HDAC9: variants seen among roughly 807,000 people sequenced by gnomAD.
HDAC9 encodes MEF-2 interacting transcription repressor (MITR) protein.
A neutral mutation model predicts 139.4 loss-of-function variants in HDAC9; 41 were observed. That is an observed-to-expected ratio of 0.29 (90% CI 0.23 to 0.38). HDAC9 has a LOEUF of 0.38. Among genes scored for constraint, HDAC9 ranks in the 10% least tolerant of loss-of-function variants. The probability of loss-of-function intolerance (pLI) is 1.00; values close to 1 mark genes in which losing one functional copy is unlikely to be tolerated. For synonymous variants in HDAC9, 517 were observed against 476.2 expected, an observed-to-expected ratio of 1.09 and a Z score of -1.12; for missense variants, 1,147 against 1,297.0, an observed-to-expected ratio of 0.88 and a Z score of 1.78.
intron 1 of HDAC9, among the ~76,000 whole-genome samples, chr7:18,426,216 G>A (rs112060426): frequency 0.017 from 2,575 of 152,236 alleles, 78 homozygotes; most frequent in African/African-American, 0.059. Flanking sequence ...AGAAATGTTC[G>A]TGGTTTATGT....
intron 12 of HDAC9, among the ~76,000 whole-genome samples, chr7:18,720,863 T>C (rs1785095132): frequency 1.3e-5 from 2 of 152,040 alleles, no homozygotes; most frequent in African/African-American, 2.4e-5. Flanking sequence ...TAATTTTTTA[T>C]AGAGATAGGG....
chr7:18,673,893 C>A (rs1290471338), intron 12 of HDAC9, among the ~76,000 whole-genome samples: 1 of 152,066 alleles, frequency 6.6e-6, no homozygotes, highest in Non-Finnish European at 1.5e-5. Flanking sequence ...ACCTTAAAGA[C>A]AACCGAAAGT....
In HDAC9 at chr7:18,276,966, C is replaced by G. The variant is rs1796764144; in HGVS notation, c.25+114617C>G. On this transcript the variant is annotated intron_variant, in intron 2 of 12. Coordinates refer to the HDAC9 transcript ENST00000417496. The stretch of plus-strand genomic sequence containing the variant: ...TCTATACCTAAATTTTTCTTGCATC[C>G]TTTTATATGAGCAAATTGCCTCTAA... Among the ~76,000 whole-genome samples, 4 of 151,906 alleles carry G rather than the reference C, an allele frequency of 2.6e-5. No homozygotes were observed. In the South Asian group the frequency reaches 6.2e-4, roughly 24 times the overall value.
At chr7:18,613,647 A>G (rs1474735518) in intron 6 of HDAC9, among the ~76,000 whole-genome samples, 1 of 152,102 alleles carries the variant, frequency 6.6e-6, no homozygotes, top group Non-Finnish European at 1.5e-5. Context: ...ATCATTACCT[A>G]TATGATTGAG....
intron 2 of HDAC9, among the ~76,000 whole-genome samples, chr7:18,179,632 T>G (rs1232966132): frequency 6.6e-6 from 1 of 152,228 alleles, no homozygotes; most frequent in Non-Finnish European, 1.5e-5. Flanking sequence ...CGTCTTTTCT[T>G]TGAATATTTT....
rs199909134 is a variant in HDAC9, at chr7:18,972,369, C to CTTTTTT, written c.3023-3413_3023-3408dup. Among the ~76,000 whole-genome samples the CTTTTTT allele has an allele frequency of 6.2e-4, 59 of 94,890 alleles. 1 individual carries two copies. Among genetic ancestry groups the CTTTTTT allele is most frequent in the Admixed American group, 8.4e-4 (7 of 8,318 alleles). 62.3% of individuals were successfully genotyped at this position (94,890 alleles called of 152,430 possible). A position where few individuals can be genotyped will look rare whatever the true frequency, so the allele number is the denominator to read the frequency against. ...TTAGCTCAATTTTCGATGAACTTCT[C>CTTTTTT]TTTTTTTTTTTTTTTTTTTTTTTTT... On this transcript the variant is annotated intron_variant, in intron 24 of 25. Transcript: ENST00000686413.
chr7:18,991,985 C>T (rs1436171595), intron 25 of HDAC9, among the ~76,000 whole-genome samples: 4 of 152,310 alleles, frequency 2.6e-5, no homozygotes, highest in East Asian at 3.9e-4. Flanking sequence ...TTTCTAGAAT[C>T]AATGAAAAAT....
intron 12 of HDAC9, among the ~76,000 whole-genome samples, chr7:18,713,089 C>T (rs191069531): frequency 2.5e-4 from 38 of 152,130 alleles, no homozygotes; most frequent in South Asian, 6.2e-4. Context: ...CATAACTTGA[C>T]GCAAAAGCAA....
rs1300812653 is a variant in HDAC9, at chr7:18,732,977, A to ATGTG, written c.1909+5222_1909+5225dup. 3.6e-5 allele frequency among the ~76,000 whole-genome samples: 4 copies of ATGTG among 110,356 alleles called. 1 individual carries two copies. The highest frequency in any genetic ancestry group is 1.4e-4 in the African/African-American group (2 of 14,808). 72.4% of individuals were successfully genotyped at this position (110,356 alleles called of 152,430 possible). A position where few individuals can be genotyped will look rare whatever the true frequency, so the allele number is the denominator to read the frequency against. On this transcript the variant is annotated intron_variant, in intron 13 of 25. Transcript: ENST00000686413. ...TATGTGTGTGTATGTGTATATACAC[A>ATGTG]TGTGTATGTGTGTGTATGTGTATAT...
At chr7:18,798,180 T>C (rs1188466413) in intron 17 of HDAC9, among the ~76,000 whole-genome samples, 1 of 152,188 alleles carries the variant, frequency 6.6e-6, no homozygotes, top group East Asian at 1.9e-4. Flanking sequence ...CCTAGGCTAC[T>C]TTCACAGTAA....
At chr7:18,219,629 T>TA (rs2128174373) in intron 2 of HDAC9, among the ~76,000 whole-genome samples, 1 of 152,278 alleles carries the variant, frequency 6.6e-6, no homozygotes, top group South Asian at 2.1e-4. Context: ...TTCCATGTGA[T>TA]AGAATGAGAA....
rs1191642752 is a variant in HDAC9, at chr7:18,644,787, G to A, written c.1029G>A (p.Gln343=). The A allele has an allele frequency of 6.2e-7, 1 of 1,610,308 alleles. No individual in the cohort carries two copies. Among genetic ancestry groups the A allele is most frequent in the Non-Finnish European group, 8.5e-7 (1 of 1,178,250 alleles). ...ITLGLPAVPS[Q]LNASNSLKEK... ...TGGGGCTTCCCGCAGTGCCATCCCA[G>A]CTCAATGTAAGTCATTGCACAGCAT... is the stretch of plus-strand genomic sequence containing the variant. Residue 343 remains glutamine, a synonymous_variant, in exon 9 of 26, where the codon CAG becomes CAA. Transcript: ENST00000686413.
chr7:18,970,870 G>A (rs540648648), intron 24 of HDAC9, among the ~76,000 whole-genome samples: 1 of 152,158 alleles, frequency 6.6e-6, no homozygotes, highest in Non-Finnish European at 1.5e-5. Context: ...ATGATGGAAT[G>A]AGGGATTTCT....
intron 16 of HDAC9, among the ~76,000 whole-genome samples, chr7:18,778,278 A>G (rs769864445): frequency 6.6e-6 from 1 of 151,942 alleles, no homozygotes; most frequent in African/African-American, 2.4e-5. Context: ...GCACTCAAAC[A>G]TCATCAATTC....
intron 1 of HDAC9, among the ~76,000 whole-genome samples, chr7:18,476,277 A>G (rs190170537): frequency 1.1e-4 from 16 of 152,300 alleles, no homozygotes; most frequent in Admixed American, 6.5e-4. Flanking sequence ...AGTAATGCCC[A>G]CAAAGACTAG....
At chr7:18,161,465 A>G (rs967649115) in intron 1 of HDAC9, among the ~76,000 whole-genome samples, 1 of 152,184 alleles carries the variant, frequency 6.6e-6, no homozygotes, top group African/African-American at 2.4e-5. Flanking sequence ...TTAGTAAGAA[A>G]CTCATTAAGT....
chr7:18,997,874 A>C lies in HDAC9; in HGVS notation c.*1812A>C, dbSNP rs961462738. The C allele has an allele frequency of 6.6e-6, 1 of 152,176 alleles. No homozygotes were observed. The highest frequency in any genetic ancestry group is 2.4e-5 in the African/African-American group (1 of 41,466). The allele number at this position is 152,176 out of a possible 1,614,324, so 9.4% of individuals were successfully genotyped here. On this transcript the variant is annotated 3_prime_UTR_variant, in exon 26 of 26. Coordinates refer to ENST00000686413, the MANE Select transcript of HDAC9 (RefSeq NM_178425.4). ...CAATACTTGGTTTAACTTCTTAGAA[A>C]TTTGAGACACCCTTTGAAATAGGAA...
At chr7:18,980,788 T>A (rs1784891917) in intron 25 of HDAC9, among the ~76,000 whole-genome samples, 1 of 149,038 alleles carries the variant, frequency 6.7e-6, no homozygotes, top group African/African-American at 2.5e-5. Flanking sequence ...CTCTTCTTCT[T>A]CTTCCTTCTT....
chr7:18,971,543 A>G lies in HDAC9; in HGVS notation c.3023-4263A>G, dbSNP rs1304034798. 3.3e-5 allele frequency among the ~76,000 whole-genome samples: 5 copies of G among 152,372 alleles called. No homozygotes were observed. In the East Asian group the frequency reaches 9.6e-4, roughly 29 times the overall value. On this transcript the variant is annotated intron_variant, in intron 24 of 25. Transcript: ENST00000686413. Reference sequence around the variant, plus strand: ...TGTAATGGAAGAAAAGACCCTACACATCACATGAAAATATAACCCATAAAT... The same window carrying G: ...TGTAATGGAAGAAAAGACCCTACACGTCACATGAAAATATAACCCATAAAT...
Sources: gnomAD v4.1 joint callset for allele counts (sites outside exome capture counted in the v4.1 genomes callset) on GRCh38, gnomAD v4.1.1 for gene constraint, MANE v1.5 for transcripts, NCBI Gene and HGNC (gene_info 2026-07-23, HGNC 2026-07-21) for gene names.